Variants in CSRNP3 observed in about 807,000 individuals in gnomAD.
CSRNP3 encodes cysteine/serine-rich nuclear protein 3.
In CSRNP3, 12 loss-of-function variants were observed where a neutral mutation model predicts 48.0. The ratio of observed to expected loss-of-function variants is 0.25; its 90% confidence interval spans 0.16 to 0.41. The LOEUF (loss-of-function observed/expected upper bound fraction) is 0.41, where lower values mean the gene tolerates loss of function less well. Ranked by LOEUF, CSRNP3 falls within the 10% of genes least tolerant of loss-of-function variation. The pLI is 1.00. For missense variants in CSRNP3, 580 were observed against 724.4 expected, an observed-to-expected ratio of 0.80 and a Z score of 2.29; for synonymous variants, 263 against 269.7, an observed-to-expected ratio of 0.98 and a Z score of 0.24.
chr2:165,606,407 A>G (rs567999085), intron 4 of CSRNP3, among the ~76,000 whole-genome samples: 3 of 151,536 alleles, frequency 2.0e-5, no homozygotes, highest in African/African-American at 7.2e-5. Flanking sequence ...ACCTGAGCAG[A>G]TAATACACAG....
intron 4 of CSRNP3, among the ~76,000 whole-genome samples, chr2:165,645,053 G>T (rs890432456): frequency 6.6e-6 from 1 of 152,016 alleles, no homozygotes; most frequent in African/African-American, 2.4e-5. Context: ...GGGCACTAAG[G>T]CCAGGCACAG....
intron 2 of CSRNP3, among the ~76,000 whole-genome samples, chr2:165,495,959 A>G (rs917908517): frequency 6.6e-6 from 1 of 151,988 alleles, no homozygotes; most frequent in African/African-American, 2.4e-5. Flanking sequence ...ACAAACCTGC[A>G]TGTCGTACAC....
chr2:165,599,129 T>C (rs1685857493), intron 4 of CSRNP3, among the ~76,000 whole-genome samples: 1 of 151,456 alleles, frequency 6.6e-6, no homozygotes, highest in Admixed American at 6.6e-5. Context: ...TCCCAGCTAC[T>C]TGGGAGAATC....
At chr2:165,550,312 A>G (rs1466488664) in intron 3 of CSRNP3, among the ~76,000 whole-genome samples, 1 of 152,236 alleles carries the variant, frequency 6.6e-6, no homozygotes, top group African/African-American at 2.4e-5. Flanking sequence ...ACTCTATTTT[A>G]GAGAGCATGT....
chr2:165,601,418 G>T (rs965420766), intron 4 of CSRNP3, among the ~76,000 whole-genome samples: 3 of 152,090 alleles, frequency 2.0e-5, no homozygotes, highest in Admixed American at 6.6e-5. Flanking sequence ...GGAAGTAAAA[G>T]GATACACATT....
At position 165,686,859 on chromosome 2, in the gene CSRNP3, A is replaced by G. The variant is rs1398807738; in HGVS notation, c.*7106A>G. 6 of 152,060 alleles carry G rather than the reference A, an allele frequency of 3.9e-5. No individual in the cohort carries two copies. The highest frequency in any genetic ancestry group is 1.3e-4 in the Admixed American group (2 of 15,232). The allele number at this position is 152,060 out of a possible 1,614,324, so 9.4% of individuals were successfully genotyped here. A position where few individuals can be genotyped will look rare whatever the true frequency, so the allele number is the denominator to read the frequency against. ...ATGGCCAACTGTGTGTGAATACTGG[A>G]AAGTTTGAGATTCTTCTATATTCTT... On this transcript the variant is annotated 3_prime_UTR_variant, in exon 7 of 7. Coordinates refer to ENST00000651982, the MANE Select transcript of CSRNP3 (RefSeq NM_001172173.2).
intron 3 of CSRNP3, among the ~76,000 whole-genome samples, chr2:165,553,019 C>A (rs1433276223): frequency 6.6e-6 from 1 of 152,108 alleles, no homozygotes; most frequent in East Asian, 1.9e-4. Context: ...TTTGTAATAT[C>A]AACGTTCATG....
chr2:165,628,581 G>A (rs545426498), intron 4 of CSRNP3, among the ~76,000 whole-genome samples: 2 of 151,990 alleles, frequency 1.3e-5, no homozygotes, highest in South Asian at 2.1e-4. Context: ...AAAATTAGCT[G>A]GGCGTGGTGG....
At chr2:165,676,016 T>G (rs1246257509) in intron 5 of CSRNP3, among the ~76,000 whole-genome samples, 1 of 152,170 alleles carries the variant, frequency 6.6e-6, no homozygotes, top group Non-Finnish European at 1.5e-5. Context: ...TTTGTAACCT[T>G]TGGTGTTTTT....
intron 3 of CSRNP3, among the ~76,000 whole-genome samples, chr2:165,570,816 A>G (rs1685363022): frequency 6.6e-6 from 1 of 151,984 alleles, no homozygotes; most frequent in Admixed American, 6.6e-5. Context: ...AAATGGTGGT[A>G]TCTAAAACAT....
intron 1 of CSRNP3, among the ~76,000 whole-genome samples, chr2:165,489,209 C>A (rs1684166528): frequency 1.3e-5 from 2 of 150,096 alleles, no homozygotes; most frequent in African/African-American, 4.9e-5. Context: ...GAAATGAATA[C>A]ATTCCTCAAC....
chr2:165,567,119 T>C (rs1685307384), intron 3 of CSRNP3: 1 of 152,138 alleles, frequency 6.6e-6, no homozygotes, highest in Admixed American at 6.6e-5. Flanking sequence ...AAACCATCAG[T>C]CCTGTTTCCT....
At chr2:165,592,420 G>T (rs1043925258) in intron 3 of CSRNP3, among the ~76,000 whole-genome samples, 2 of 152,256 alleles carry the variant, frequency 1.3e-5, no homozygotes, top group African/African-American at 2.4e-5. Context: ...TAGACCTTAG[G>T]GGGGCCGTTG....
intron 2 of CSRNP3, among the ~76,000 whole-genome samples, chr2:165,506,701 T>C (rs1181277181): frequency 6.6e-6 from 1 of 152,298 alleles, no homozygotes; most frequent in East Asian, 1.9e-4. Flanking sequence ...AAAACCATTG[T>C]AACTACTTCC....
At chr2:165,638,945 GGTACCT>G (rs766739355) in intron 4 of CSRNP3, among the ~76,000 whole-genome samples, 195 of 152,232 alleles carry the variant, frequency 1.3e-3, no homozygotes, top group Non-Finnish European at 2.3e-3. Flanking sequence ...TACAGGGTTA[GGTACCT>G]GTTGAGCCTC....
intron 4 of CSRNP3, among the ~76,000 whole-genome samples, chr2:165,597,278 G>A (rs534927234): frequency 9.9e-5 from 15 of 152,218 alleles, no homozygotes; most frequent in South Asian, 4.1e-4. Flanking sequence ...TTTCTAGGGC[G>A]CCCAGGCATT....
intron 3 of CSRNP3, among the ~76,000 whole-genome samples, chr2:165,527,595 A>C (rs1222030707): frequency 6.6e-6 from 1 of 152,152 alleles, no homozygotes. Flanking sequence ...CACATGCATA[A>C]ATTAAATCGG....
chr2:165,655,656 T>G (rs182826072), intron 4 of CSRNP3, among the ~76,000 whole-genome samples: 153 of 152,332 alleles, frequency 1.0e-3, no homozygotes, highest in Admixed American at 2.4e-3. Context: ...GGAGGCTAGA[T>G]GACCAAGGTG....
chr2:165,671,784 G>C (rs577458921), intron 5 of CSRNP3, among the ~76,000 whole-genome samples: 1 of 152,110 alleles, frequency 6.6e-6, no homozygotes, highest in Non-Finnish European at 1.5e-5. Flanking sequence ...GGATTGTCAG[G>C]CTGTGCATTT....
Sources: gnomAD v4.1 joint callset for allele counts (sites outside exome capture counted in the v4.1 genomes callset) on GRCh38, gnomAD v4.1.1 for gene constraint, MANE v1.5 for transcripts, NCBI Gene and HGNC (gene_info 2026-07-23, HGNC 2026-07-21) for gene names.